Variants in NAP1L4 observed in about 807,000 individuals in gnomAD.
NAP1L4 encodes the protein nucleosome assembly protein 1 like 4.
Under a neutral mutation model 58.2 loss-of-function variants are expected in NAP1L4, and 15 were observed. The ratio of observed to expected loss-of-function variants is 0.26; its 90% CI spans 0.17 to 0.40. The LOEUF (loss-of-function observed/expected upper bound fraction) is 0.40, where lower values mean the gene tolerates loss of function less well. Among genes scored for constraint, NAP1L4 ranks in the 10% least tolerant of loss-of-function variants. The pLI is 1.00. For synonymous variants in NAP1L4, 171 were observed against 155.6 expected (o/e 1.10, Z -0.74); for missense variants, 384 against 451.1 (o/e 0.85, Z 1.35).
intron 1 of NAP1L4, among the ~76,000 whole-genome samples, chr11:2,982,170 C>T (rs111663147): frequency 0.019 from 2,908 of 152,262 alleles, 87 homozygotes; most frequent in African/African-American, 0.066. Context: ...CCCAGTTATC[C>T]TTAATTGATA....
intron 1 of NAP1L4, among the ~76,000 whole-genome samples, chr11:2,983,386 CTG>C (rs1406735122): frequency 6.6e-6 from 1 of 152,098 alleles, no homozygotes; most frequent in African/African-American, 2.4e-5. Context: ...CAGTCTCACT[CTG>C]TTACCCAGGC....
chr11:2,990,908 C>A (rs961427364), intron 1 of NAP1L4: 10 of 340,880 alleles, frequency 2.9e-5, no homozygotes, highest in South Asian at 1.7e-4. Flanking sequence ...GAAAGACTTA[C>A]CTTTAAGGTC....
In NAP1L4 at chr11:2,971,635, G is replaced by A; in HGVS notation, c.316-101C>T. The A allele has an allele frequency of 1.1e-6, 1 of 878,582 alleles. No homozygotes were observed. The highest frequency in any genetic ancestry group is 1.7e-6 in the Non-Finnish European group (1 of 590,216). 54.4% of individuals were successfully genotyped at this position (878,582 alleles called of 1,614,324 possible). The stretch of plus-strand genomic sequence containing the variant: ...TGTCTACTAAAAGACTTTGAAAACT[G>A]GATATTTTTATAACTTATTTTAAGA... On this transcript the variant is annotated intron_variant, in intron 5 of 15. Transcript: ENST00000380542. This position sits in a 1 kb window ranked among gnomAD's most constrained non-coding sequence, Gnocchi z 4.2.
chr11:2,954,438 TG>T lies in NAP1L4; in HGVS notation c.1035+88del, dbSNP rs1196395673. 10 of 1,581,520 alleles carry T rather than the reference TG, an allele frequency of 6.3e-6. No homozygotes were observed. The highest frequency in any genetic ancestry group is 8.7e-6 in the Non-Finnish European group (10 of 1,151,390). ...GATGATGTAATAAAAAGATTAGGCA[TG>T]GGGGTTTCCTAAGCCACAATTCAGG... is the stretch of plus-strand genomic sequence containing the variant. On this transcript the variant is annotated intron_variant, in intron 12 of 15. Transcript: ENST00000380542. The surrounding 1 kb of genome is among the most constrained non-coding windows in gnomAD (Gnocchi z 4.8).
intron 1 of NAP1L4, among the ~76,000 whole-genome samples, chr11:2,989,584 T>A (rs542573845): frequency 6.6e-6 from 1 of 152,284 alleles, no homozygotes; most frequent in East Asian, 1.9e-4. Flanking sequence ...AGCACTACTA[T>A]ATATACATAC....
At chr11:2,984,406 T>A (rs1374274340) in intron 1 of NAP1L4, among the ~76,000 whole-genome samples, 6 of 151,994 alleles carry the variant, frequency 3.9e-5, no homozygotes, top group South Asian at 4.1e-4. Flanking sequence ...AACCCGTCTC[T>A]ACTAAGAATA....
intron 10 of NAP1L4, among the ~76,000 whole-genome samples, chr11:2,956,730 C>G (rs1024085336): frequency 1.3e-5 from 2 of 152,176 alleles, no homozygotes; most frequent in Non-Finnish European, 2.9e-5. Flanking sequence ...CACTCTGGCC[C>G]AAGTCATGAA....
intron 7 of NAP1L4, among the ~76,000 whole-genome samples, chr11:2,968,460 A>G (rs1847420698): frequency 6.6e-6 from 1 of 152,172 alleles, no homozygotes; most frequent in South Asian, 2.1e-4. Flanking sequence ...GGAAGCTCAG[A>G]TCAGGAAAAA....
At chr11:2,950,883 A>AG (rs1846189106) in intron 14 of NAP1L4, 1 of 184,460 alleles carries the variant, frequency 5.4e-6, no homozygotes, top group Non-Finnish European at 1.1e-5. Flanking sequence ...CTTAACAAAA[A>AG]GAGCCCCAAA....
At chr11:2,968,887 C>G (rs1847452288) in intron 7 of NAP1L4, among the ~76,000 whole-genome samples, 1 of 152,150 alleles carries the variant, frequency 6.6e-6, no homozygotes, top group Non-Finnish European at 1.5e-5. Context: ...CAGGGAAAAC[C>G]AAATTTGTTA....
chr11:2,954,677 T>C lies in NAP1L4; in HGVS notation c.916-31A>G, dbSNP rs182387626. On this transcript the variant is annotated intron_variant, in intron 11 of 15. Transcript: ENST00000380542. This position sits in a 1 kb window ranked among gnomAD's most constrained non-coding sequence, Gnocchi z 4.8. The stretch of plus-strand genomic sequence containing the variant: ...GAGGAAAAACCTACGTGTTAACTCA[T>C]TTTAATGGGATAAAAACATTCACTT... The C allele has an allele frequency of 6.1e-5, 98 of 1,613,994 alleles. No homozygotes were observed. In the African/African-American group the frequency reaches 7.7e-4, roughly 13 times the overall value.
At chr11:2,952,785 C>G (rs1366588087) in intron 12 of NAP1L4, 5 of 152,218 alleles carry the variant, frequency 3.3e-5, no homozygotes, top group African/African-American at 1.2e-4. Flanking sequence ...CTAAGGACAG[C>G]ATTTTGCCCT....
At chr11:2,979,777 A>AT (rs1451015495) in intron 1 of NAP1L4, among the ~76,000 whole-genome samples, 15 of 151,308 alleles carry the variant, frequency 9.9e-5, no homozygotes, top group Admixed American at 9.2e-4. Context: ...CATCTAAAAA[A>AT]AAAAATAAAA....
chr11:2,983,582 C>T (rs1375572136), intron 1 of NAP1L4, among the ~76,000 whole-genome samples: 5 of 126,682 alleles, frequency 3.9e-5, no homozygotes, highest in African/African-American at 1.8e-4. Flanking sequence ...AAACCCAACA[C>T]GGTATTCTGG....
In NAP1L4 at chr11:2,951,296, T is replaced by C. The variant is rs746993241; in HGVS notation, c.1085A>G (p.Glu362Gly). Residue 362 changes from glutamate to glycine, a missense_variant, in exon 14 of 16, where the codon GAG becomes GGG. This residue lies in a region of NAP1L4 where 296 missense variants were observed against 360.8 expected (regional missense o/e 0.82). Transcript: ENST00000380542. This position sits in a 1 kb window ranked among gnomAD's most constrained non-coding sequence, Gnocchi z 4.0. ...TTCCGCATCATCCTCGTCTTCTCCC[T>C]CCTCGTCACCTTCTAATTCCTGTAT... ...GEEEELEGDE[E>G]GEDEDDAEIN... 5.6e-6 allele frequency: 9 copies of C among 1,613,978 alleles called. No homozygotes were observed. The highest frequency in any genetic ancestry group is 7.6e-6 in the Non-Finnish European group (9 of 1,179,980).
At position 2,948,460 on chromosome 11, in the gene NAP1L4, C is replaced by T. The variant is rs2133893489; in HGVS notation, c.*32+767G>A. Among the ~76,000 whole-genome samples, 1 of 152,272 alleles carries T rather than the reference C, an allele frequency of 6.6e-6. No individual in the cohort carries two copies. The highest frequency in any genetic ancestry group is 6.5e-5 in the Admixed American group (1 of 15,298). ...CTCTCTGCTTTCTCCCACTACATCC[C>T]GAGTGCCACGAGTGAACAGGTCTCG... On this transcript the variant is annotated intron_variant, in intron 15 of 15. Transcript: ENST00000380542. This position sits in a 1 kb window ranked among gnomAD's most constrained non-coding sequence, Gnocchi z 5.1.
Position 2,951,369 on chromosome 11 carries a change from C to A in NAP1L4, c.1066-54G>T. ...AATGACAAGATTTAAACTCTTGTGG[C>A]ATTCACAATCCACAAACACAAGGAG... On this transcript the variant is annotated intron_variant, in intron 13 of 15. Transcript: ENST00000380542. The surrounding 1 kb of genome is among the most constrained non-coding windows in gnomAD (Gnocchi z 4.0). The A allele has an allele frequency of 6.7e-7, 1 of 1,484,508 alleles. No homozygotes were observed. The highest frequency in any genetic ancestry group is 1.1e-5 in the South Asian group (1 of 88,056). The allele number at this position is 1,484,508 out of a possible 1,614,324, so 92.0% of individuals were successfully genotyped here.
At chr11:2,989,534 A>G (rs1848831882) in intron 1 of NAP1L4, among the ~76,000 whole-genome samples, 1 of 152,240 alleles carries the variant, frequency 6.6e-6, no homozygotes, top group African/African-American at 2.4e-5. Flanking sequence ...ACTTATCACA[A>G]TAATTTTTAA....
chr11:2,969,558 T>C (rs1286454913), intron 7 of NAP1L4, among the ~76,000 whole-genome samples: 1 of 152,100 alleles, frequency 6.6e-6, no homozygotes, highest in Admixed American at 6.5e-5. Flanking sequence ...TTTGAAAGTT[T>C]TGGATCAGGC....
Sources: gnomAD v4.1 joint callset for allele counts (sites outside exome capture counted in the v4.1 genomes callset) on GRCh38, gnomAD v4.1.1 for gene constraint, gnomAD v4.1.1 regional missense constraint, Gnocchi (gnomAD v3.1) non-coding constraint, MANE v1.5 for transcripts, NCBI Gene and HGNC (gene_info 2026-07-23, HGNC 2026-07-21) for gene names.